Variants in NDST4 observed in about 807,000 individuals in gnomAD.
NDST4 encodes N-heparan sulfate sulfotransferase 4.
NDST4 carries 63 observed loss-of-function variants against 100.8 expected under a neutral mutation model. The observed-to-expected ratio is 0.62, with a 90% confidence interval of 0.51 to 0.77. The LOEUF (loss-of-function observed/expected upper bound fraction) is 0.77, where lower values mean the gene tolerates loss of function less well. Ranked by LOEUF, NDST4 falls within the 30% of genes least tolerant of loss-of-function variation. NDST4 has a pLI of 0.00. For synonymous variants in NDST4, 377 were observed against 361.8 expected (o/e 1.04, Z -0.48); for missense variants, 943 against 1,018.4 (o/e 0.93, Z 1.01).
chr4:115,047,845 C>G (rs1728497956), intron 2 of NDST4, among the ~76,000 whole-genome samples: 1 of 151,982 alleles, frequency 6.6e-6, no homozygotes, highest in Admixed American at 6.6e-5. Context: ...ATTAATTGAT[C>G]TATGACCTTC....
chr4:114,840,768 G>A (rs183629334), intron 10 of NDST4, among the ~76,000 whole-genome samples: 6 of 152,108 alleles, frequency 3.9e-5, no homozygotes, highest in African/African-American at 9.7e-5. Flanking sequence ...ATACTGGTCC[G>A]TGCTATGACT....
intron 7 of NDST4, among the ~76,000 whole-genome samples, chr4:114,869,371 G>A (rs1724099708): frequency 6.6e-6 from 1 of 151,828 alleles, no homozygotes; most frequent in Non-Finnish European, 1.5e-5. Context: ...TATTATTACT[G>A]TGCCATAAAT....
intron 2 of NDST4, among the ~76,000 whole-genome samples, chr4:114,981,048 C>A (rs1726759213): frequency 1.3e-5 from 2 of 151,774 alleles, no homozygotes; most frequent in African/African-American, 4.8e-5. Flanking sequence ...CCCTTCTCTA[C>A]AAAAAAATAC....
chr4:115,004,167 A>G (rs1727361292), intron 2 of NDST4, among the ~76,000 whole-genome samples: 1 of 152,188 alleles, frequency 6.6e-6, no homozygotes, highest in Non-Finnish European at 1.5e-5. Flanking sequence ...AGGAAAAAAT[A>G]CCCAATGATT....
Position 115,076,316 on chromosome 4 carries a change from C to G in NDST4, c.721G>C (p.Glu241Gln), listed in dbSNP as rs751518610. The change falls in exon 2 of 14, where the codon GAA (glutamate) becomes CAA (glutamine). Residue 241 changes from glutamate to glutamine, a missense_variant. This residue lies in a region of NDST4 where 417 missense variants were observed against 384.2 expected (regional missense o/e 1.09). Transcript: ENST00000264363. ...QPVLLTELQT[E>Q]KSLSSLSSKT... ...CTAGACAAGGATGACAGGGATTTTT[C>G]TGTCTGTAACTCAGTTAAAAGTACA... 2.5e-6 allele frequency: 4 copies of G among 1,613,984 alleles called. No individual in the cohort carries two copies. Among genetic ancestry groups the G allele is most frequent in the Non-Finnish European group, 2.5e-6 (3 of 1,179,926 alleles).
chr4:114,965,700 C>T (rs1726364869), intron 4 of NDST4, among the ~76,000 whole-genome samples: 1 of 151,916 alleles, frequency 6.6e-6, no homozygotes, highest in Admixed American at 6.6e-5. Flanking sequence ...ACTGAAAAGC[C>T]CTACTGGCTT....
chr4:114,923,628 CT>C, intron 6 of NDST4, among the ~76,000 whole-genome samples: 1 of 152,034 alleles, frequency 6.6e-6, no homozygotes, highest in East Asian at 1.9e-4. Context: ...GTTTTCTTTT[CT>C]TTTTTTCTTA....
Position 114,871,150 on chromosome 4 carries a change from A to G in NDST4, c.1537-200T>C, listed in dbSNP as rs114147233. ...TTTTAAAATTGAAATTGAAATTGAG[A>G]GTGTCATTTCCTCACTGTTCTTCAG... is the stretch of plus-strand genomic sequence containing the variant. On this transcript the variant is annotated intron_variant, in intron 6 of 13. Coordinates refer to ENST00000264363, the MANE Select transcript of NDST4 (RefSeq NM_022569.3). Among the ~76,000 whole-genome samples the G allele has an allele frequency of 5.3e-3, 805 of 152,246 alleles. 10 individuals carry two copies. The highest frequency in any genetic ancestry group is 0.017 in the African/African-American group (718 of 41,566).
At chr4:114,854,997 A>G (rs528777154) in intron 7 of NDST4, among the ~76,000 whole-genome samples, 1 of 152,128 alleles carries the variant, frequency 6.6e-6, no homozygotes, top group Non-Finnish European at 1.5e-5. Flanking sequence ...ATGGCATCTC[A>G]TTGTAGTTTT....
At chr4:114,902,162 A>G (rs1724855231) in intron 6 of NDST4, among the ~76,000 whole-genome samples, 1 of 151,882 alleles carries the variant, frequency 6.6e-6, no homozygotes, top group Admixed American at 6.6e-5. Flanking sequence ...TTACACACTT[A>G]TTTTTTTCTC....
intron 11 of NDST4, among the ~76,000 whole-genome samples, chr4:114,835,268 C>T (rs1723284942): frequency 1.3e-5 from 2 of 152,264 alleles, no homozygotes; most frequent in South Asian, 4.1e-4. Context: ...GTATAAATTT[C>T]TCTCTTAAGA....
chr4:115,107,749 A>C (rs1308445936), intron 1 of NDST4, among the ~76,000 whole-genome samples: 1 of 152,118 alleles, frequency 6.6e-6, no homozygotes, highest in African/African-American at 2.4e-5. Flanking sequence ...ATGGTGCCTG[A>C]CACATATTAA....
intron 1 of NDST4, among the ~76,000 whole-genome samples, chr4:115,090,430 A>T (rs911279051): frequency 2.6e-5 from 4 of 151,988 alleles, no homozygotes; most frequent in Admixed American, 1.3e-4. Flanking sequence ...AACTAAAGTG[A>T]AAAAGGATCT....
chr4:114,983,415 A>G (rs1419366937), intron 2 of NDST4, among the ~76,000 whole-genome samples: 1 of 152,164 alleles, frequency 6.6e-6, no homozygotes, highest in African/African-American at 2.4e-5. Flanking sequence ...GTGAGACCTG[A>G]ACTCAAAGAA....
chr4:115,048,605 C>T (rs773462399), intron 2 of NDST4, among the ~76,000 whole-genome samples: 6 of 151,892 alleles, frequency 4.0e-5, no homozygotes, highest in Admixed American at 2.0e-4. Context: ...AATTTTTGTG[C>T]GTGCAGCAAA....
intron 1 of NDST4, among the ~76,000 whole-genome samples, chr4:115,082,846 T>C (rs1045112095): frequency 1.3e-5 from 2 of 152,182 alleles, no homozygotes; most frequent in Non-Finnish European, 2.9e-5. Flanking sequence ...CATAATTAAA[T>C]AATTTAACTG....
intron 11 of NDST4, among the ~76,000 whole-genome samples, chr4:114,836,126 T>G (rs1445863812): frequency 6.6e-6 from 1 of 152,242 alleles, no homozygotes; most frequent in African/African-American, 2.4e-5. Flanking sequence ...AGGTTAATAT[T>G]GTTATGTATG....
intron 1 of NDST4, among the ~76,000 whole-genome samples, chr4:115,082,550 A>G (rs2126291951): frequency 6.6e-6 from 1 of 152,270 alleles, no homozygotes; most frequent in Admixed American, 6.5e-5. Context: ...ACAGATCACT[A>G]AAGAGGCTCC....
intron 2 of NDST4, among the ~76,000 whole-genome samples, chr4:115,037,597 C>T (rs1335066969): frequency 2.0e-5 from 3 of 151,982 alleles, no homozygotes; most frequent in African/African-American, 7.2e-5. Flanking sequence ...TCTCTGTGAT[C>T]AAGGACTTTT....
Sources: allele counts gnomAD v4.1 joint callset (sites outside exome capture counted in the v4.1 genomes callset), GRCh38; gene constraint gnomAD v4.1.1; regional missense constraint gnomAD v4.1.1; transcripts MANE v1.5; gene names NCBI Gene and HGNC (gene_info 2026-07-23, HGNC 2026-07-21).